Variants in BATF observed in about 807,000 individuals in gnomAD.
The protein encoded by BATF is basic leucine zipper transcriptional factor ATF-like.
Under a neutral mutation model 13.7 loss-of-function variants are expected in BATF, and 5 were observed. The observed-to-expected ratio is 0.36, with a 90% confidence interval of 0.19 to 0.77. The LOEUF (loss-of-function observed/expected upper bound fraction) is 0.77. BATF is among the 30% of genes least tolerant of loss of function. The pLI, the probability that BATF is intolerant of heterozygous loss-of-function variation, is 0.51. For missense variants in BATF, 124 were observed against 163.0 expected, an observed-to-expected ratio of 0.76 and a Z score of 1.30; for synonymous variants, 72 against 67.5, an observed-to-expected ratio of 1.07 and a Z score of -0.33.
At position 75,546,593 on chromosome 14, in the gene BATF, G is replaced by T. The variant is rs1887989697; in HGVS notation, c.300G>T (p.Thr100=). 6.2e-7 allele frequency: 1 copy of T among 1,613,832 alleles called. No individual in the cohort carries two copies. The highest frequency in any genetic ancestry group is 1.7e-5 in the Admixed American group (1 of 59,990). ...TGTGCTCGGTGCTGGCCGCCAGCAC[G>T]CCCTCGCCCCCCGAGGTGGTGTACA... ...EPLCSVLAAS[T]PSPPEVVYSA... is the part of the protein sequence containing the mutation. Residue 100 remains threonine, a synonymous_variant, in exon 3 of 3, where the codon ACG becomes ACT. Coordinates refer to ENST00000286639, the MANE Select transcript of BATF (RefSeq NM_006399.5).
intron 2 of BATF, among the ~76,000 whole-genome samples, chr14:75,546,247 A>T (rs950259868): frequency 1.3e-5 from 2 of 152,208 alleles, no homozygotes; most frequent in African/African-American, 4.8e-5. Context: ...ATACATGCAC[A>T]CCCACCCATG....
intron 2 of BATF, among the ~76,000 whole-genome samples, chr14:75,544,792 A>ATTTTT (rs55834315): frequency 0.011 from 1,470 of 133,786 alleles, 12 homozygotes; most frequent in East Asian, 0.016. Context: ...TTGAACTGAA[A>ATTTTT]TTTTTTTTTT....
At position 75,527,303 on chromosome 14, in the gene BATF, T is replaced by C. The variant is rs373314105; in HGVS notation, c.168+2115T>C. Among the ~76,000 whole-genome samples, 253 of 152,306 alleles carry C rather than the reference T, an allele frequency of 1.7e-3. 4 individuals carry two copies. The South Asian group carries it at 0.042, about 25-fold the overall frequency. On this transcript the variant is annotated intron_variant, in intron 2 of 2. Transcript: ENST00000286639. ...ATATATACATTTTGTGTATATTTAATCACAGAAGCTCAGGGTTGAAAGGTT... is the reference window on the plus strand; with the variant it reads ...ATATATACATTTTGTGTATATTTAACCACAGAAGCTCAGGGTTGAAAGGTT...
chr14:75,545,966 C>T (rs1887978864), intron 2 of BATF, among the ~76,000 whole-genome samples: 1 of 152,102 alleles, frequency 6.6e-6, no homozygotes, highest in African/African-American at 2.4e-5. Flanking sequence ...TCAAGTAATG[C>T]TTCTGTTTCA....
intron 2 of BATF, among the ~76,000 whole-genome samples, chr14:75,532,573 AAC>A (rs530094703): frequency 1.3e-4 from 20 of 152,354 alleles, no homozygotes; most frequent in South Asian, 6.2e-4. Context: ...CCTTTGACAC[AAC>A]AGAGTTTGAA....
chr14:75,534,837 T>G (rs185427301), intron 2 of BATF, among the ~76,000 whole-genome samples: 143 of 152,242 alleles, frequency 9.4e-4, no homozygotes, highest in African/African-American at 3.2e-3. Context: ...GCCTCATTCA[T>G]TTCATTCCTA....
intron 2 of BATF, among the ~76,000 whole-genome samples, chr14:75,539,531 G>GT (rs1220867589): frequency 7.5e-6 from 1 of 132,576 alleles, no homozygotes; most frequent in Admixed American, 9.1e-5. Context: ...CCAAACTATA[G>GT]TTTTTTTCAC....
intron 2 of BATF, among the ~76,000 whole-genome samples, chr14:75,537,997 T>C (rs1397618826): frequency 6.6e-6 from 1 of 152,170 alleles, no homozygotes; most frequent in Non-Finnish European, 1.5e-5. Context: ...TTTCACTCTT[T>C]TCCCAGGCTG....
rs1887988137 is a variant in BATF at position 75,546,515 on chromosome 14, G to T, written c.222G>T (p.Gln74His). ...CGGCTCTACGCAAGGAGATCAAGCA[G>T]CTCACAGAGGAACTGAAGTACTTCA... ...QNAALRKEIK[Q>H]LTEELKYFTS... The change falls in exon 3 of 3, where the codon CAG (glutamine) becomes CAT (histidine). Residue 74 changes from glutamine (Q) to histidine (H), a missense_variant. Transcript: ENST00000286639. 6.2e-7 allele frequency: 1 copy of T among 1,614,232 alleles called. No individual in the cohort carries two copies. Among genetic ancestry groups the T allele is most frequent in the Middle Eastern group, 1.6e-4 (1 of 6,062 alleles).
At chr14:75,531,368 T>A (rs1887730489) in intron 2 of BATF, among the ~76,000 whole-genome samples, 1 of 152,140 alleles carries the variant, frequency 6.6e-6, no homozygotes, top group Admixed American at 6.5e-5. Flanking sequence ...TGAGGTCAAT[T>A]AAGAAGCTTT....
chr14:75,533,887 C>T (rs1279400147), intron 2 of BATF, among the ~76,000 whole-genome samples: 2 of 152,178 alleles, frequency 1.3e-5, no homozygotes, highest in Non-Finnish European at 2.9e-5. Flanking sequence ...AAACCTCTTG[C>T]CTTCCCACCA....
Position 75,544,562 on chromosome 14 carries a change from C to CAGGA in BATF, c.169-1899_169-1898insGGAA, listed in dbSNP as rs754402071. Among the ~76,000 whole-genome samples the CAGGA allele has an allele frequency of 9.3e-3, 308 of 32,998 alleles. 44 individuals carry two copies. The highest frequency in any genetic ancestry group is 0.014 in the Non-Finnish European group (224 of 16,434). 21.6% of individuals were successfully genotyped at this position (32,998 alleles called of 152,430 possible). A position where few individuals can be genotyped will look rare whatever the true frequency, so the allele number is the denominator to read the frequency against. On this transcript the variant is annotated intron_variant, in intron 2 of 2. Coordinates refer to ENST00000286639, the MANE Select transcript of BATF (RefSeq NM_006399.5). ...CCTGGGTGACAGAGTGAGACTGTCTCAAAAAAAAAAAAAAAAAAAAAAAAA... is the reference window on the plus strand; with the variant it reads ...CCTGGGTGACAGAGTGAGACTGTCTCAGGAAAAAAAAAAAAAAAAAAAAAAAAAA...
intron 2 of BATF, among the ~76,000 whole-genome samples, chr14:75,541,795 C>T (rs1450080883): frequency 6.6e-6 from 1 of 152,188 alleles, no homozygotes; most frequent in East Asian, 1.9e-4. Flanking sequence ...TCCGGAGTTG[C>T]TGGGACTACA....
chr14:75,525,777 A>G (rs550279741), intron 2 of BATF, among the ~76,000 whole-genome samples: 1 of 152,114 alleles, frequency 6.6e-6, no homozygotes, highest in Admixed American at 6.5e-5. Flanking sequence ...GCAGAGCTGT[A>G]TTGGGAAAGA....
At chr14:75,538,494 A>C (rs764184230) in intron 2 of BATF, among the ~76,000 whole-genome samples, 1 of 152,190 alleles carries the variant, frequency 6.6e-6, no homozygotes, top group Admixed American at 6.5e-5. Context: ...CTGTACCTGA[A>C]TATGTGGAGT....
At chr14:75,534,469 G>A (rs762160388) in intron 2 of BATF, among the ~76,000 whole-genome samples, 3 of 152,150 alleles carry the variant, frequency 2.0e-5, no homozygotes, top group Admixed American at 6.5e-5. Flanking sequence ...CCCACAAGAT[G>A]CCAGTAGAAC....
rs1434817017 is a variant in BATF at position 75,525,110 on chromosome 14, T to G, written c.90T>G (p.Val30=). ...KQDSSDDVRR[V]QRREKNRIAA... is the part of the protein sequence containing the mutation. ...ACTCATCTGATGATGTGAGAAGAGT[T>G]CAGAGGAGGGAGAAAAATCGTATTG... Residue 30 remains valine (V), a synonymous_variant, in exon 2 of 3, where the codon GTT becomes GTG. Coordinates refer to ENST00000286639, the MANE Select transcript of BATF (RefSeq NM_006399.5). The G allele has an allele frequency of 6.2e-7, 1 of 1,613,736 alleles. No individual in the cohort carries two copies. Among genetic ancestry groups the G allele is most frequent in the Admixed American group, 1.7e-5 (1 of 59,960 alleles).
chr14:75,538,292 T>C (rs1331176993), intron 2 of BATF, among the ~76,000 whole-genome samples: 1 of 152,192 alleles, frequency 6.6e-6, no homozygotes, highest in Non-Finnish European at 1.5e-5. Context: ...ATGAACATGA[T>C]TTTTTGCCCA....
chr14:75,525,263 T>C lies in BATF; in HGVS notation c.168+75T>C, dbSNP rs140909999. ...CCGCCATCTGGGAACCCTTGGACCA[T>C]AGCTTTGATTCTGCTTGTGTGGGGA... On this transcript the variant is annotated intron_variant, in intron 2 of 2. Coordinates refer to ENST00000286639, the MANE Select transcript of BATF (RefSeq NM_006399.5). 845 of 1,442,918 alleles carry C rather than the reference T, an allele frequency of 5.9e-4. 6 individuals are homozygous for C. In the East Asian group the frequency reaches 0.013, roughly 22 times the overall value. 89.4% of individuals were successfully genotyped at this position (1,442,918 alleles called of 1,614,324 possible).
Sources: allele counts gnomAD v4.1 joint callset (sites outside exome capture counted in the v4.1 genomes callset), GRCh38; gene constraint gnomAD v4.1.1; transcripts MANE v1.5; gene names NCBI Gene and HGNC (gene_info 2026-07-23, HGNC 2026-07-21).